ERP44: variants seen among roughly 807,000 people sequenced by gnomAD.
The protein encoded by ERP44 is endoplasmic reticulum resident protein 44.
Under a neutral mutation model 53.4 loss-of-function variants are expected in ERP44, and 25 were observed. The ratio of observed to expected loss-of-function variants is 0.47; its 90% confidence interval spans 0.34 to 0.65. ERP44 has a LOEUF of 0.65. ERP44 is among the 30% of genes least tolerant of loss of function. The probability of loss-of-function intolerance (pLI) is 0.01; values close to 1 mark genes in which losing one functional copy is unlikely to be tolerated. For missense variants in ERP44, 338 were observed against 493.2 expected (o/e 0.69, Z 2.98); for synonymous variants, 145 against 161.2 (o/e 0.90, Z 0.76).
intron 1 of ERP44, among the ~76,000 whole-genome samples, chr9:100,086,496 A>G (rs1826484683): frequency 6.6e-6 from 1 of 152,222 alleles, no homozygotes; most frequent in Non-Finnish European, 1.5e-5. Context: ...CCATTTCACA[A>G]CGACTCCATT....
chr9:100,023,828 T>C (rs1211587969), intron 4 of ERP44, among the ~76,000 whole-genome samples: 1 of 152,144 alleles, frequency 6.6e-6, no homozygotes, highest in African/African-American at 2.4e-5. Flanking sequence ...ACTACAGTGT[T>C]GTAGTCTTGA....
rs566270791 is a variant in ERP44 at position 100,066,038 on chromosome 9, C to T, written c.58-5866G>A. On this transcript the variant is annotated intron_variant, in intron 1 of 11. Coordinates refer to ENST00000262455, the MANE Select transcript of ERP44 (RefSeq NM_015051.3). Reference sequence around the variant, plus strand: ...AGGAGCTTGTGAGAAATAGAGAATACTAGGCCCCACTCTAGACCCACTGAA... The same window carrying T: ...AGGAGCTTGTGAGAAATAGAGAATATTAGGCCCCACTCTAGACCCACTGAA... 1.6e-4 allele frequency among the ~76,000 whole-genome samples: 24 copies of T among 152,310 alleles called. 1 individual carries two copies. The East Asian group carries it at 4.6e-3, about 29-fold the overall frequency.
chr9:100,043,055 C>T (rs1825925547), intron 4 of ERP44, among the ~76,000 whole-genome samples: 2 of 151,158 alleles, frequency 1.3e-5, no homozygotes, highest in South Asian at 2.1e-4. Context: ...GTCAGGAAAT[C>T]GAGACCATCC....
intron 4 of ERP44, among the ~76,000 whole-genome samples, chr9:100,050,001 A>C (rs1161452097): frequency 6.6e-6 from 1 of 151,396 alleles, no homozygotes. Flanking sequence ...TAATATATGC[A>C]ACATGAAACA....
chr9:99,999,471 C>T (rs1451739487), intron 10 of ERP44, among the ~76,000 whole-genome samples: 2 of 151,958 alleles, frequency 1.3e-5, no homozygotes, highest in African/African-American at 2.4e-5. Context: ...ACCTATTGGC[C>T]GCTTGTGTGT....
At position 99,996,993 on chromosome 9, in the gene ERP44, G is replaced by GTGTA. The variant is rs142393807; in HGVS notation, c.1016+9512_1016+9513insTACA. On this transcript the variant is annotated intron_variant, in intron 10 of 11. Coordinates refer to ENST00000262455, the MANE Select transcript of ERP44 (RefSeq NM_015051.3). The stretch of plus-strand genomic sequence containing the variant: ...CATACACACGTATGTATATGTGTGT[G>GTGTA]TATATATATATATATATGCACATAT... Among the ~76,000 whole-genome samples the GTGTA allele has an allele frequency of 9.8e-4, 141 of 143,696 alleles. 1 individual carries two copies. The highest frequency in any genetic ancestry group is 5.8e-3 in the South Asian group (27 of 4,628). The allele number at this position is 143,696 out of a possible 152,430, so 94.3% of individuals were successfully genotyped here. A position where few individuals can be genotyped will look rare whatever the true frequency, so the allele number is the denominator to read the frequency against.
chr9:100,029,818 G>A (rs899659007), intron 4 of ERP44, among the ~76,000 whole-genome samples: 3 of 152,170 alleles, frequency 2.0e-5, no homozygotes, highest in African/African-American at 4.8e-5. Context: ...GGCCGGGTGC[G>A]GTGGCTCATG....
rs998952696 is a variant in ERP44 at position 99,981,389 on chromosome 9, A to C, written c.*1223T>G. 1 of 152,658 alleles carries C rather than the reference A, an allele frequency of 6.6e-6. No individual in the cohort carries two copies. Among genetic ancestry groups the C allele is most frequent in the Non-Finnish European group, 1.5e-5 (1 of 68,044 alleles). The allele number at this position is 152,658 out of a possible 1,614,324, so 9.5% of individuals were successfully genotyped here. A position where few individuals can be genotyped will look rare whatever the true frequency, so the allele number is the denominator to read the frequency against. On this transcript the variant is annotated 3_prime_UTR_variant, in exon 12 of 12. Transcript: ENST00000262455. ...TATTACATACTACATATAATGGCAC[A>C]TGTCAGCCTTTTAAGCTTAAAAATA...
intron 6 of ERP44, among the ~76,000 whole-genome samples, chr9:100,018,630 C>A (rs1157206949): frequency 2.6e-5 from 4 of 151,776 alleles, no homozygotes; most frequent in Non-Finnish European, 5.9e-5. Flanking sequence ...TAAAAAAAAA[C>A]AAAAACGAAA....
intron 9 of ERP44, 118 bp from the exon 10 acceptor site, chr9:100,006,765 T>C: frequency 1.5e-6 from 1 of 648,718 alleles, no homozygotes; most frequent in Non-Finnish European, 2.5e-6. Flanking sequence ...TTCTTAAGAG[T>C]AATATAGATC....
rs1056056838 is a variant in ERP44 at position 99,980,945 on chromosome 9, A to C, written c.*1667T>G. ...TGTATCTTTTGTTGATTATTTTTTCAAACCCAGTTACAGGATTACTATATT... is the reference window on the plus strand; with the variant it reads ...TGTATCTTTTGTTGATTATTTTTTCCAACCCAGTTACAGGATTACTATATT... On this transcript the variant is annotated 3_prime_UTR_variant, in exon 12 of 12. Transcript: ENST00000262455. 6.6e-6 allele frequency: 1 copy of C among 152,130 alleles called. No individual in the cohort carries two copies. Among genetic ancestry groups the C allele is most frequent in the Non-Finnish European group, 1.5e-5 (1 of 68,016 alleles). The allele number at this position is 152,130 out of a possible 1,614,324, so 9.4% of individuals were successfully genotyped here.
intron 6 of ERP44, among the ~76,000 whole-genome samples, chr9:100,020,026 G>A (rs1830569444): frequency 6.6e-6 from 1 of 152,176 alleles, no homozygotes; most frequent in African/African-American, 2.4e-5. Context: ...GGCAGGTCAG[G>A]AAAGAAAGAA....
chr9:100,014,140 G>A (rs1830505183), intron 8 of ERP44, among the ~76,000 whole-genome samples: 1 of 152,178 alleles, frequency 6.6e-6, no homozygotes, highest in African/African-American at 2.4e-5. Flanking sequence ...GGTAATAACT[G>A]AGAAGGAAGA....
At chr9:100,089,573 T>G (rs1045704416) in intron 1 of ERP44, among the ~76,000 whole-genome samples, 1 of 95,558 alleles carries the variant, frequency 1.0e-5, no homozygotes, top group Non-Finnish European at 1.8e-5. Context: ...AGAGTGAGAC[T>G]CCATCTCAAA....
intron 10 of ERP44, among the ~76,000 whole-genome samples, chr9:99,993,918 T>C (rs1477741421): frequency 6.6e-6 from 1 of 152,320 alleles, no homozygotes; most frequent in Admixed American, 6.5e-5. Flanking sequence ...TCATCATCAC[T>C]GGCCATCAGA....
chr9:100,028,053 C>T (rs1025875900), intron 4 of ERP44, among the ~76,000 whole-genome samples: 2 of 152,188 alleles, frequency 1.3e-5, no homozygotes, highest in East Asian at 3.8e-4. Flanking sequence ...GTCTTCACTT[C>T]ATATTTTCTT....
rs746264156 is a variant in ERP44, at chr9:100,022,226, G to A, written c.287C>T (p.Ser96Phe). The A allele has an allele frequency of 6.2e-7, 1 of 1,602,236 alleles. No homozygotes were observed. Among genetic ancestry groups the A allele is most frequent in the Admixed American group, 1.7e-5 (1 of 57,528 alleles). The change falls in exon 5 of 12, where the codon TCT becomes TTT. Residue 96 changes from serine to phenylalanine, a missense_variant and splice_region_variant. Physicochemically the swap from Ser to Phe is radical, Grantham distance 155. Transcript: ENST00000262455. ...TATCCTGTATCTCTGGGCTATGTCA[G>A]CTAAAAGAATGAAAAAAAATTATTT... ...VFARVDCDQH[S>F]DIAQRYRISK...
intron 11 of ERP44, among the ~76,000 whole-genome samples, chr9:99,983,386 A>G (rs1319171369): frequency 1.3e-5 from 2 of 151,762 alleles, no homozygotes; most frequent in Non-Finnish European, 2.9e-5. Context: ...TCTACTAAAA[A>G]TACAAAAAAT....
chr9:99,984,552 A>G (rs1230004490), intron 11 of ERP44, among the ~76,000 whole-genome samples: 2 of 152,208 alleles, frequency 1.3e-5, no homozygotes, highest in African/African-American at 4.8e-5. Context: ...AGAATGATTT[A>G]GCAAGAATAA....
Sources: gnomAD v4.1 joint callset for allele counts (sites outside exome capture counted in the v4.1 genomes callset) on GRCh38, gnomAD v4.1.1 for gene constraint, MANE v1.5 for transcripts, NCBI Gene and HGNC (gene_info 2026-07-23, HGNC 2026-07-21) for gene names.